The following ADGRE3 variants were observed in gnomAD, a reference collection of about 807,000 sequenced individuals.
ADGRE3 encodes the protein adhesion G protein-coupled receptor E3.
Under a neutral mutation model 80.1 loss-of-function variants are expected in ADGRE3, and 88 were observed. That is an observed-to-expected ratio of 1.10 (90% CI 0.93 to 1.31). The LOEUF (loss-of-function observed/expected upper bound fraction) is 1.31. Among genes scored for constraint, ADGRE3 ranks in the 40% most tolerant of loss-of-function variants. The pLI is 0.00. For synonymous variants in ADGRE3, 281 were observed against 294.8 expected (o/e 0.95, Z 0.48); for missense variants, 715 against 776.5 (o/e 0.92, Z 0.94).
chr19:14,672,654 G>C (rs1031875773), intron 1 of ADGRE3, among the ~76,000 whole-genome samples: 1 of 152,146 alleles, frequency 6.6e-6, no homozygotes, highest in Non-Finnish European at 1.5e-5. Flanking sequence ...CTGTTGCTCA[G>C]GCTGGAGTGC....
rs1202965042 is a variant in ADGRE3 at position 14,621,983 on chromosome 19, G to A, written c.1921-2512C>T. ...ATGGGACACAGGATCAGGTTGGACC[G>A]GCTGGGGTAATTTGTCCCGACTTTC... On this transcript the variant is annotated intron_variant, in intron 15 of 15. Transcript: ENST00000253673. The A allele has an allele frequency of 9.8e-6, 10 of 1,021,030 alleles. 2 individuals are homozygous for A. The highest frequency in any genetic ancestry group is 4.9e-5 in the South Asian group (3 of 61,760). The allele number at this position is 1,021,030 out of a possible 1,614,324, so 63.2% of individuals were successfully genotyped here. A position where few individuals can be genotyped will look rare whatever the true frequency, so the allele number is the denominator to read the frequency against.
downstream of ADGRE3, among the ~76,000 whole-genome samples, chr19:14,616,322 A>C (rs1002468135): frequency 4.6e-5 from 7 of 152,104 alleles, no homozygotes; most frequent in African/African-American, 1.7e-4. Flanking sequence ...TCTCCAAAAT[A>C]ATCTACCTGC....
chr19:14,647,488 C>T (rs1341800484), intron 7 of ADGRE3, 123 bp from the exon 8 acceptor site: 2 of 713,216 alleles, frequency 2.8e-6, no homozygotes, highest in East Asian at 2.9e-5. Flanking sequence ...GTGATCTTGG[C>T]TCACTGCAAC....
chr19:14,640,530 A>T (rs1971219577), intron 10 of ADGRE3, among the ~76,000 whole-genome samples: 1 of 151,906 alleles, frequency 6.6e-6, no homozygotes, highest in Non-Finnish European at 1.5e-5. Flanking sequence ...ACCTCAGGTG[A>T]TCTGCCCACC....
At chr19:14,668,922 G>C in intron 1 of ADGRE3, 70 bp from the exon 2 acceptor site, 1 of 1,427,966 alleles carries the variant, frequency 7.0e-7, no homozygotes, top group Admixed American at 1.7e-5. Context: ...AATGCCCCAA[G>C]GACTGTGTAT....
intron 14 of ADGRE3, among the ~76,000 whole-genome samples, chr19:14,628,356 C>A (rs1285624836): frequency 8.1e-6 from 1 of 123,434 alleles, no homozygotes; most frequent in South Asian, 2.3e-4. Context: ...GCCGAAGAAT[C>A]GCTTGAACCT....
chr19:14,672,712 C>T (rs555110988), intron 1 of ADGRE3, among the ~76,000 whole-genome samples: 14 of 152,214 alleles, frequency 9.2e-5, no homozygotes, highest in African/African-American at 2.2e-4. Context: ...TGAGCTCAAG[C>T]GATCCTCCCA....
At chr19:14,644,482 G>A (rs768034901) in intron 8 of ADGRE3, among the ~76,000 whole-genome samples, 13 of 151,946 alleles carry the variant, frequency 8.6e-5, no homozygotes, top group Non-Finnish European at 1.6e-4. Context: ...TACCACACCA[G>A]GCTAATTTTT....
In ADGRE3 at chr19:14,654,230, G is replaced by A. The variant is rs566500721; in HGVS notation, c.577+752C>T. 1.7e-3 allele frequency among the ~76,000 whole-genome samples: 256 copies of A among 150,108 alleles called. 1 individual carries two copies. The highest frequency in any genetic ancestry group is 3.5e-3 in the Middle Eastern group (1 of 282). On this transcript the variant is annotated intron_variant, in intron 6 of 15. Transcript: ENST00000253673. ...GGCCTCCCAAAGTGCTGGGATTATA[G>A]GTGTAAGCCACCATGCCCAGCCCAA...
chr19:14,651,295 G>T, intron 6 of ADGRE3, 91 bp from the exon 7 acceptor site: 1 of 1,388,382 alleles, frequency 7.2e-7, no homozygotes, highest in Non-Finnish European at 1.0e-6. Context: ...CATGCCTGTA[G>T]TCCCAACTAC....
chr19:14,641,480 G>T lies in ADGRE3; in HGVS notation c.1187C>A (p.Ser396Ter). 1.7e-5 allele frequency: 27 copies of T among 1,613,850 alleles called. No homozygotes were observed. Among genetic ancestry groups the T allele is most frequent in the Non-Finnish European group, 2.2e-5 (26 of 1,179,772 alleles). Residue 396 changes from serine to a stop codon, truncating the protein, a stop_gained, in exon 10 of 16, where the codon TCG (serine) becomes TAG (stop). Transcript: ENST00000253673. LOFTEE classifies it high-confidence loss of function. ...GAGGTGGGCCAGGAAGAGGCAGAGC[G>T]AGAGCTGCAGATGCAGTGAGGTGCT... ...NTSTSLHLQL[S>*]LCLFLAHLLF...
intron 5 of ADGRE3, among the ~76,000 whole-genome samples, chr19:14,657,063 T>G (rs1348784330): frequency 6.6e-6 from 1 of 151,942 alleles, no homozygotes; most frequent in Non-Finnish European, 1.5e-5. Context: ...GCCCGGCTAA[T>G]TTTTGTGTTT....
Position 14,631,136 on chromosome 19 carries a change from T to C in ADGRE3, c.1644-929A>G, listed in dbSNP as rs375559639. Among the ~76,000 whole-genome samples the C allele has an allele frequency of 2.4e-4, 37 of 152,140 alleles. No individual in the cohort carries two copies. The South Asian group carries it at 5.8e-3, about 24-fold the overall frequency. On this transcript the variant is annotated intron_variant, in intron 13 of 15. Transcript: ENST00000253673. ...ATCCACCTGCCTCGGCCTCCCAAAG[T>C]GTTGGGATTACAGGTGTGAGCCACC...
intron 15 of ADGRE3, chr19:14,622,300 T>C: frequency 1.8e-6 from 1 of 560,174 alleles, no homozygotes; most frequent in Admixed American, 2.8e-5. Flanking sequence ...TGCCAGGGAC[T>C]GACAAAAGAC....
intron 15 of ADGRE3, 92 bp from the exon 16 acceptor site, chr19:14,619,563 T>A: frequency 1.0e-6 from 1 of 1,003,786 alleles, no homozygotes; most frequent in Non-Finnish European, 1.6e-6. Context: ...AGGAGTGATT[T>A]AAACCCAGTT....
chr19:14,627,297 A>G lies in ADGRE3; in HGVS notation c.1813-1698T>C, dbSNP rs1970760445. ...ATATGCCATAAACACCCATACCTAC[A>G]TATAAATAAATACATAACAATAACA... On this transcript the variant is annotated intron_variant, in intron 14 of 15. Transcript: ENST00000253673. Among the ~76,000 whole-genome samples the G allele has an allele frequency of 3.3e-5, 5 of 152,216 alleles. No homozygotes were observed. In the South Asian group the frequency reaches 1.0e-3, roughly 31 times the overall value.
chr19:14,616,463 A>G (rs114456623), downstream of ADGRE3, among the ~76,000 whole-genome samples: 1,180 of 152,032 alleles, frequency 7.8e-3, 16 homozygotes, highest in African/African-American at 0.028. Flanking sequence ...GGACTCCTGG[A>G]TTGTGGGACT....
chr19:14,647,080 C>A, intron 8 of ADGRE3, 101 bp downstream of exon 8: 2 of 907,680 alleles, frequency 2.2e-6, no homozygotes, highest in Admixed American at 2.1e-5. Flanking sequence ...TGACTACGAC[C>A]CTGAACAGAG....
chr19:14,666,587 A>G lies in ADGRE3; in HGVS notation c.76+2215T>C, dbSNP rs112898356. On this transcript the variant is annotated intron_variant, in intron 2 of 15. Transcript: ENST00000253673. ...AGATGGGGTTTCACCATGTTGGCCA[A>G]GCTGGTCTCAAGCTCCTGACTTCAA... 8.3e-3 allele frequency among the ~76,000 whole-genome samples: 1,269 copies of G among 152,102 alleles called. 17 individuals are homozygous for G. Among genetic ancestry groups the G allele is most frequent in the African/African-American group, 0.029 (1,215 of 41,500 alleles).
Sources: allele counts gnomAD v4.1 joint callset (sites outside exome capture counted in the v4.1 genomes callset), GRCh38; gene constraint gnomAD v4.1.1; transcripts MANE v1.5; gene names NCBI Gene and HGNC (gene_info 2026-07-23, HGNC 2026-07-21).